TET1: variants seen among roughly 807,000 people sequenced by gnomAD.
The protein encoded by TET1 is methylcytosine dioxygenase TET1.
A neutral mutation model predicts 148.7 loss-of-function variants in TET1; 13 were observed. That is an observed-to-expected ratio of 0.09 (90% CI 0.06 to 0.14). TET1 has a LOEUF of 0.14. Ranked by LOEUF, TET1 falls within the 10% of genes least tolerant of loss-of-function variation. The probability of loss-of-function intolerance (pLI) is 1.00; values close to 1 mark genes in which losing one functional copy is unlikely to be tolerated. For synonymous variants in TET1, 907 were observed against 937.2 expected (o/e 0.97, Z 0.59); for missense variants, 2,182 against 2,553.8 (o/e 0.85, Z 3.14).
intron 3 of TET1, among the ~76,000 whole-genome samples, chr10:68,614,372 G>A (rs1280062598): frequency 3.3e-5 from 5 of 152,134 alleles, no homozygotes; most frequent in Non-Finnish European, 5.9e-5. Context: ...AAAAAACAGT[G>A]TAAATACTGT....
intron 1 of TET1, among the ~76,000 whole-genome samples, chr10:68,561,532 G>A (rs576598480): frequency 6.6e-6 from 1 of 152,314 alleles, no homozygotes; most frequent in Non-Finnish European, 1.5e-5. Context: ...CGTCTGGCGG[G>A]ATCCCGGAGC....
At chr10:68,636,481 G>T (rs948097839) in intron 3 of TET1, among the ~76,000 whole-genome samples, 1 of 152,120 alleles carries the variant, frequency 6.6e-6, no homozygotes, top group Non-Finnish European at 1.5e-5. Flanking sequence ...ACTTTGGGAG[G>T]CCAAGGCAGG....
Position 68,667,030 on chromosome 10 carries a change from A to G in TET1, c.4462-15A>G, listed in dbSNP as rs2055204149. 6.2e-6 allele frequency: 10 copies of G among 1,610,850 alleles called. No homozygotes were observed. The highest frequency in any genetic ancestry group is 8.5e-6 in the Non-Finnish European group (10 of 1,178,034). ...ATACTTGTCTTCCATAGATGAATGT[A>G]TTCTGTTTTTTCAGGTTTTAAGAAG... On this transcript the variant is annotated splice_polypyrimidine_tract_variant and intron_variant, in intron 6 of 11. Coordinates refer to ENST00000373644, the MANE Select transcript of TET1 (RefSeq NM_030625.3).
At chr10:68,571,976 G>A (rs760777023) in intron 1 of TET1, among the ~76,000 whole-genome samples, 5 of 152,132 alleles carry the variant, frequency 3.3e-5, no homozygotes, top group Non-Finnish European at 7.3e-5. Context: ...AATTAGCCAG[G>A]TGTGATGGTG....
At chr10:68,600,745 A>G (rs1190754298) in intron 2 of TET1, among the ~76,000 whole-genome samples, 1 of 152,224 alleles carries the variant, frequency 6.6e-6, no homozygotes, top group African/African-American at 2.4e-5. Context: ...AGGCTAATTA[A>G]GACAGACTTT....
intron 3 of TET1, among the ~76,000 whole-genome samples, chr10:68,619,579 C>T (rs1404434497): frequency 1.3e-5 from 2 of 152,072 alleles, no homozygotes; most frequent in Non-Finnish European, 2.9e-5. Flanking sequence ...AATTGACAAA[C>T]AATAGTTGCA....
intron 3 of TET1, among the ~76,000 whole-genome samples, chr10:68,611,925 G>A (rs957006788): frequency 1.3e-5 from 2 of 150,982 alleles, no homozygotes; most frequent in Non-Finnish European, 2.9e-5. Flanking sequence ...AAGGAAGGGA[G>A]GGAGGAAGGG....
chr10:68,625,629 T>C (rs1312166959), intron 3 of TET1, among the ~76,000 whole-genome samples: 2 of 152,226 alleles, frequency 1.3e-5, no homozygotes, highest in Non-Finnish European at 2.9e-5. Context: ...TAAAAAGCCT[T>C]ACACTCAGCT....
chr10:68,589,073 T>A (rs1038294677), intron 2 of TET1, among the ~76,000 whole-genome samples: 2 of 151,914 alleles, frequency 1.3e-5, no homozygotes, highest in Non-Finnish European at 2.9e-5. Flanking sequence ...CAGTGAGCTA[T>A]GATTGCACCA....
intron 2 of TET1, among the ~76,000 whole-genome samples, chr10:68,580,964 T>C (rs1203433668): frequency 6.6e-6 from 1 of 151,950 alleles, no homozygotes; most frequent in Non-Finnish European, 1.5e-5. Flanking sequence ...TGAGACTGTG[T>C]CTCAGAAAAT....
In TET1 at chr10:68,572,535, C is replaced by G. The variant is rs1456096019; in HGVS notation, c.197C>G (p.Pro66Arg). The G allele has an allele frequency of 1.9e-6, 3 of 1,613,664 alleles. No individual in the cohort carries two copies. The South Asian group carries it at 3.3e-5, about 18-fold the overall frequency. The part of the protein sequence containing the change: ...RDVKKKTEPK[P>R]PVPVRSLLTR... Reference sequence around the variant, plus strand: ...GTTAAGAAAAAAACAGAACCTAAACCACCCGTGCCAGTCAGAAGCCTTCTG... The same window carrying G: ...GTTAAGAAAAAAACAGAACCTAAACGACCCGTGCCAGTCAGAAGCCTTCTG... The change falls in exon 2 of 12, where the codon CCA becomes CGA. Residue 66 changes from proline to arginine, a missense_variant. By Grantham distance (103) the Pro-to-Arg change is moderately radical. Coordinates refer to ENST00000373644, the MANE Select transcript of TET1 (RefSeq NM_030625.3).
At chr10:68,671,630 C>T (rs1169792235) in intron 7 of TET1, among the ~76,000 whole-genome samples, 3 of 152,214 alleles carry the variant, frequency 2.0e-5, no homozygotes, top group Admixed American at 2.0e-4. Context: ...CTTTCGTTGT[C>T]ATTCTTAGCA....
intron 3 of TET1, among the ~76,000 whole-genome samples, chr10:68,609,621 T>C (rs1173321265): frequency 6.6e-6 from 1 of 152,172 alleles, no homozygotes; most frequent in African/African-American, 2.4e-5. Flanking sequence ...TCTGAAGTTT[T>C]TGTCATCTAT....
rs147290540 is a variant in TET1, at chr10:68,655,337, C to T, written c.4461+2743C>T. Among the ~76,000 whole-genome samples the T allele has an allele frequency of 4.0e-3, 602 of 152,268 alleles. 4 individuals are homozygous for T. Among genetic ancestry groups the T allele is most frequent in the Non-Finnish European group, 5.1e-3 (346 of 68,024 alleles). ...TTTATTTTGTTTTGTTCTTTTGTGT[C>T]TGGCCTATCCATAGTACCTTGTATA... On this transcript the variant is annotated intron_variant, in intron 6 of 11. Coordinates refer to ENST00000373644, the MANE Select transcript of TET1 (RefSeq NM_030625.3).
At chr10:68,681,939 G>A (rs2055439304) in intron 9 of TET1, among the ~76,000 whole-genome samples, 1 of 143,230 alleles carries the variant, frequency 7.0e-6, no homozygotes, top group Non-Finnish European at 1.5e-5. Flanking sequence ...CTGCACTCCA[G>A]CCTGGGTGAC....
At chr10:68,611,674 C>T (rs1170192031) in intron 3 of TET1, among the ~76,000 whole-genome samples, 8 of 148,736 alleles carry the variant, frequency 5.4e-5, no homozygotes, top group African/African-American at 1.2e-4. Context: ...CTTTTCTTTT[C>T]TTTCTTTTCT....
chr10:68,593,556 G>A (rs72797581), intron 2 of TET1, among the ~76,000 whole-genome samples: 44,237 of 151,820 alleles, frequency 0.29, 7,726 homozygotes, highest in Middle Eastern at 0.43. Flanking sequence ...TCTTGCCTCA[G>A]GCTCCTGAGT....
chr10:68,579,159 C>A (rs969144814), intron 2 of TET1, among the ~76,000 whole-genome samples: 2 of 152,206 alleles, frequency 1.3e-5, no homozygotes, highest in East Asian at 3.8e-4. Context: ...AGAGAGACCT[C>A]CCTTGTAAGT....
chr10:68,678,992 A>C (rs995680410), intron 8 of TET1, among the ~76,000 whole-genome samples: 6 of 152,080 alleles, frequency 3.9e-5, no homozygotes, highest in Non-Finnish European at 8.8e-5. Context: ...CATGGCCAAC[A>C]TGGTGAAATC....
Sources: allele counts gnomAD v4.1 joint callset (sites outside exome capture counted in the v4.1 genomes callset), GRCh38; gene constraint gnomAD v4.1.1; transcripts MANE v1.5; gene names NCBI Gene and HGNC (gene_info 2026-07-23, HGNC 2026-07-21).